The following IKZF4 variants were observed in gnomAD, a reference collection of about 807,000 sequenced individuals.
IKZF4 encodes IKAROS family zinc finger 4, also known as zinc finger protein Eos.
In IKZF4, 11 loss-of-function variants were observed where a neutral mutation model predicts 47.7. The observed-to-expected ratio is 0.23, with a 90% confidence interval of 0.15 to 0.38. The LOEUF (loss-of-function observed/expected upper bound fraction) is 0.38. Ranked by LOEUF, IKZF4 falls within the 10% of genes least tolerant of loss-of-function variation. IKZF4 has a pLI of 1.00. For synonymous variants in IKZF4, 298 were observed against 299.4 expected (o/e 1.00, Z 0.05); for missense variants, 557 against 784.9 (o/e 0.71, Z 3.47).
At chr12:56,014,420 G>A (rs1891744415) in intron 2 of IKZF4, among the ~76,000 whole-genome samples, 1 of 152,140 alleles carries the variant, frequency 6.6e-6, no homozygotes, top group Admixed American at 6.5e-5. Context: ...CTAGCTGAAT[G>A]GTATGCTTCA....
chr12:56,030,145 G>A (rs1894673783), intron 5 of IKZF4, among the ~76,000 whole-genome samples: 1 of 152,166 alleles, frequency 6.6e-6, no homozygotes, highest in South Asian at 2.1e-4. Context: ...GTTGGGTGCA[G>A]TGGCTCACGT....
intron 2 of IKZF4, 165 bp downstream of exon 2, chr12:56,023,929 T>C: frequency 1.0e-6 from 1 of 985,316 alleles, no homozygotes; most frequent in Non-Finnish European, 1.2e-6. Context: ...TGTTAGCAGA[T>C]AATGTAGAAG....
chr12:56,019,205 C>CA (rs531683611), upstream of IKZF4: 209 of 201,118 alleles, frequency 1.0e-3, no homozygotes, highest in South Asian at 6.3e-3. Flanking sequence ...GACTCCGTCT[C>CA]AAAAAAAAAG....
intron 2 of IKZF4, chr12:56,011,703 T>TCCA (rs1197374096): frequency 6.6e-6 from 1 of 152,198 alleles, no homozygotes; most frequent in African/African-American, 2.4e-5. Context: ...GTCAGACCTT[T>TCCA]CCACTGTAAA....
At chr12:56,019,569 C>G (rs937192943), upstream of IKZF4, among the ~76,000 whole-genome samples, 5 of 152,158 alleles carry the variant, frequency 3.3e-5, no homozygotes, top group African/African-American at 1.2e-4. Flanking sequence ...AAGTCATGGC[C>G]TTGTGAGGAG....
At chr12:56,008,823 C>T (rs888826190) in intron 1 of IKZF4, among the ~76,000 whole-genome samples, 6 of 151,644 alleles carry the variant, frequency 4.0e-5, no homozygotes, top group Admixed American at 6.6e-5. Context: ...TACAGGCACC[C>T]GCCACCACCC....
chr12:56,027,692 G>A (rs904486672), intron 4 of IKZF4, 88 bp from the exon 5 acceptor site: 3 of 1,380,570 alleles, frequency 2.2e-6, no homozygotes, highest in Admixed American at 3.9e-5. Context: ...ACCTTCCCTT[G>A]GGCAAGGTAG....
At chr12:56,029,867 A>G (rs1894630921) in intron 5 of IKZF4, 1 of 152,224 alleles carries the variant, frequency 6.6e-6, no homozygotes, top group Admixed American at 6.5e-5. Context: ...CCTTTTCCTC[A>G]GAAAAGGGGC....
rs1383100476 is a variant in IKZF4, at chr12:56,027,963, G to C, written c.715+16G>C. 6.5e-7 allele frequency: 1 copy of C among 1,533,890 alleles called. No homozygotes were observed. Among genetic ancestry groups the C allele is most frequent in the Non-Finnish European group, 8.8e-7 (1 of 1,142,042 alleles). On this transcript the variant is annotated intron_variant, in intron 5 of 7. Coordinates refer to ENST00000547167, the MANE Select transcript of IKZF4 (RefSeq NM_022465.4). Reference sequence around the variant, plus strand: ...ACACACTCAGGTCAGTGTCTGTCCAGTGGGAGGAGGGAATGAGGCTCCAAC... The same window carrying C: ...ACACACTCAGGTCAGTGTCTGTCCACTGGGAGGAGGGAATGAGGCTCCAAC...
upstream of IKZF4, among the ~76,000 whole-genome samples, chr12:56,020,342 A>T (rs1403549455): frequency 1.3e-5 from 2 of 152,180 alleles, no homozygotes; most frequent in Non-Finnish European, 2.9e-5. Context: ...CTATTAATTT[A>T]TGGCACAGAT....
chr12:56,037,017 G>A lies in IKZF4; in HGVS notation c.*1686G>A, dbSNP rs1593014498. On this transcript the variant is annotated 3_prime_UTR_variant, in exon 8 of 8. Transcript: ENST00000547167. ...TCCCCTTCCATCTTTCTTTCCACAT[G>A]TCCTTTCCTTATTGGCTCTTTTACC... The A allele has an allele frequency of 6.7e-6, 1 of 150,238 alleles. No homozygotes were observed. Among genetic ancestry groups the A allele is most frequent in the Non-Finnish European group, 1.5e-5 (1 of 67,686 alleles). The allele number at this position is 150,238 out of a possible 1,614,324, so 9.3% of individuals were successfully genotyped here.
intron 7 of IKZF4, among the ~76,000 whole-genome samples, chr12:56,034,000 C>T (rs909391518): frequency 1.3e-5 from 2 of 152,006 alleles, no homozygotes; most frequent in Non-Finnish European, 2.9e-5. Context: ...CCCAGGTTCA[C>T]GCCATTCTCC....
In IKZF4 at chr12:56,037,863, A is replaced by T. The variant is rs1895750377; in HGVS notation, c.*2532A>T. On this transcript the variant is annotated 3_prime_UTR_variant, in exon 8 of 8. Transcript: ENST00000547167. ...AAAAAAAAAGTAAAGAAAAAGAAAA[A>T]AAAATACACACACACTGAAACCCAC... is the stretch of plus-strand genomic sequence containing the variant. 6.6e-6 allele frequency: 1 copy of T among 152,172 alleles called. No individual in the cohort carries two copies. The highest frequency in any genetic ancestry group is 2.4e-5 in the African/African-American group (1 of 41,392). 9.4% of individuals were successfully genotyped at this position (152,172 alleles called of 1,614,324 possible).
At position 56,024,580 on chromosome 12, in the gene IKZF4, C is replaced by T. The variant is rs988287943; in HGVS notation, c.182-474C>T. Reference sequence around the variant, plus strand: ...AATAAAGCCTGGCACATAGTAAGTACTCAATTAATATTATTAGCTGCTATG... The same window carrying T: ...AATAAAGCCTGGCACATAGTAAGTATTCAATTAATATTATTAGCTGCTATG... On this transcript the variant is annotated intron_variant, in intron 2 of 7. Transcript: ENST00000547167. 8 of 929,008 alleles carry T rather than the reference C, an allele frequency of 8.6e-6. No individual in the cohort carries two copies. In the Admixed American group the frequency reaches 1.6e-4, roughly 19 times the overall value. 57.5% of individuals were successfully genotyped at this position (929,008 alleles called of 1,614,324 possible). A position where few individuals can be genotyped will look rare whatever the true frequency, so the allele number is the denominator to read the frequency against.
At chr12:56,022,362 C>G (rs570757592) in intron 1 of IKZF4, among the ~76,000 whole-genome samples, 1 of 152,176 alleles carries the variant, frequency 6.6e-6, no homozygotes. Flanking sequence ...GCTTTGCCCT[C>G]TGGGGGTTCA....
At chr12:56,028,522 C>G in intron 5 of IKZF4, among the ~76,000 whole-genome samples, 1 of 92,966 alleles carries the variant, frequency 1.1e-5, no homozygotes. Context: ...GACTGAGCGA[C>G]ACTCAGTCTC....
intron 2 of IKZF4, chr12:56,011,878 C>A (rs1222748563): frequency 6.6e-6 from 1 of 152,126 alleles, no homozygotes; most frequent in Admixed American, 6.5e-5. Context: ...GGCCCCTTTG[C>A]GTCTTCTCCC....
In IKZF4 at chr12:56,026,986, C is replaced by T. The variant is rs111502407; in HGVS notation, c.492C>T (p.Cys164=). Residue 164 remains cysteine, a synonymous_variant, in exon 4 of 8, where the codon TGC becomes TGT. Coordinates refer to ENST00000547167, the MANE Select transcript of IKZF4 (RefSeq NM_022465.4). ...LPNGKLKCDV[C]GMVCIGPNVL... is the part of the protein sequence containing the mutation. ...ATGGCAAGCTCAAGTGTGACGTCTG[C>T]GGCATGGTCTGTATTGGACCCAACG... The T allele has an allele frequency of 2.3e-4, 364 of 1,607,596 alleles. No homozygotes were observed. The highest frequency in any genetic ancestry group is 2.8e-4 in the Non-Finnish European group (327 of 1,176,698).
At chr12:56,025,267 C>A in intron 3 of IKZF4, 109 bp downstream of exon 3, 2 of 1,248,458 alleles carry the variant, frequency 1.6e-6, no homozygotes, top group South Asian at 1.6e-5. Flanking sequence ...TCCTGCTGGT[C>A]TCCTGCTTAG....
Sources: gnomAD v4.1 joint callset for allele counts (sites outside exome capture counted in the v4.1 genomes callset) on GRCh38, gnomAD v4.1.1 for gene constraint, MANE v1.5 for transcripts, NCBI Gene and HGNC (gene_info 2026-07-23, HGNC 2026-07-21) for gene names.